UBE2D2: variants seen among roughly 807,000 people sequenced by gnomAD.
The protein encoded by UBE2D2 is ubiquitin conjugating enzyme E2 D2, also known as ubiquitin-conjugating enzyme E2 D2.
UBE2D2 carries 2 observed loss-of-function variants against 24.2 expected under a neutral mutation model. The ratio of observed to expected loss-of-function variants is 0.08; its 90% CI spans 0.03 to 0.26. The LOEUF is 0.26. UBE2D2 is among the 10% of genes least tolerant of loss of function. UBE2D2 has a pLI of 1.00. For missense variants in UBE2D2, 44 were observed against 177.6 expected (o/e 0.25, Z 4.28); for synonymous variants, 58 against 56.5 (o/e 1.03, Z -0.12).
At chr5:139,537,693 G>A (rs1475949862) in intron 1 of UBE2D2, among the ~76,000 whole-genome samples, 2 of 151,778 alleles carry the variant, frequency 1.3e-5, no homozygotes, top group Non-Finnish European at 2.9e-5. Flanking sequence ...GGCCAGGCGT[G>A]GTAGCTCACG....
chr5:139,617,115 G>A (rs1489991129), intron 5 of UBE2D2, among the ~76,000 whole-genome samples: 1 of 151,866 alleles, frequency 6.6e-6, no homozygotes, highest in Non-Finnish European at 1.5e-5. Context: ...CCCGGGAGAC[G>A]GAGGTTGCAG....
At chr5:139,614,488 A>G in intron 2 of UBE2D2, 98 bp from the exon 3 acceptor site, 5 of 1,356,910 alleles carry the variant, frequency 3.7e-6, no homozygotes, top group East Asian at 2.3e-5. Context: ...CATATTATTT[A>G]TAAATGAATT....
chr5:139,615,605 A>G (rs1754406421), intron 5 of UBE2D2, among the ~76,000 whole-genome samples: 1 of 152,198 alleles, frequency 6.6e-6, no homozygotes, highest in African/African-American at 2.4e-5. Flanking sequence ...ACTATTGCAG[A>G]ATAGGAAATA....
chr5:139,536,988 G>GCCAA (rs1752691367), intron 1 of UBE2D2, among the ~76,000 whole-genome samples: 1 of 151,998 alleles, frequency 6.6e-6, no homozygotes, highest in Admixed American at 6.6e-5. Flanking sequence ...GACCATCCTG[G>GCCAA]CTAACATGGT....
At chr5:139,562,221 CCCT>C (rs1561503106) in intron 1 of UBE2D2, 1 of 1,372,736 alleles carries the variant, frequency 7.3e-7, no homozygotes, top group South Asian at 1.2e-5. Flanking sequence ...CATTTCTGTT[CCCT>C]CCTCCCACAC....
chr5:139,540,752 A>G (rs1752748901), intron 1 of UBE2D2, among the ~76,000 whole-genome samples: 1 of 152,106 alleles, frequency 6.6e-6, no homozygotes, highest in Admixed American at 6.6e-5. Flanking sequence ...GCACTTTGGG[A>G]GGCCAAGGTG....
At chr5:139,562,444 T>C in intron 1 of UBE2D2, 1 of 1,278,766 alleles carries the variant, frequency 7.8e-7, no homozygotes, top group Non-Finnish European at 1.0e-6. Flanking sequence ...AGAGGGAGAA[T>C]CATTTTATTC....
At chr5:139,584,393 T>G (rs114082734) in intron 1 of UBE2D2, among the ~76,000 whole-genome samples, 2,078 of 152,256 alleles carry the variant, frequency 0.014, 49 homozygotes, top group African/African-American at 0.047. Flanking sequence ...ATGTATGCCT[T>G]TCGTTAAGTT....
rs1173463347 is a variant in UBE2D2, at chr5:139,607,408, TTA to T, written c.88+6975_88+6976del. Among the ~76,000 whole-genome samples the T allele has an allele frequency of 5.9e-5, 9 of 152,348 alleles. No individual in the cohort carries two copies. In the East Asian group the frequency reaches 1.5e-3, roughly 26 times the overall value. ...GATCATTTTATGAGAGCCATAAAGA[TTA>T]TTTGTCTTGGTTGCTGCATTAGTAA... On this transcript the variant is annotated intron_variant, in intron 2 of 6. Coordinates refer to ENST00000398733, the MANE Select transcript of UBE2D2 (RefSeq NM_003339.3).
chr5:139,609,315 G>C (rs1754263709), intron 2 of UBE2D2, among the ~76,000 whole-genome samples: 1 of 151,978 alleles, frequency 6.6e-6, no homozygotes, highest in South Asian at 2.1e-4. Flanking sequence ...GGCTGAGGTG[G>C]GTGAACTGCT....
intron 1 of UBE2D2, among the ~76,000 whole-genome samples, chr5:139,543,560 A>G (rs1372968715): frequency 1.3e-5 from 2 of 152,168 alleles, no homozygotes; most frequent in African/African-American, 4.8e-5. Flanking sequence ...CGGCGACGAC[A>G]CGGGGGACCG....
chr5:139,545,374 TC>T (rs1358044233), intron 1 of UBE2D2, among the ~76,000 whole-genome samples: 1 of 150,892 alleles, frequency 6.6e-6, no homozygotes, highest in Non-Finnish European at 1.5e-5. Flanking sequence ...AGCTTTGTCT[TC>T]TATTTTTTTT....
At chr5:139,535,822 C>T (rs531714352) in intron 1 of UBE2D2, among the ~76,000 whole-genome samples, 8 of 152,280 alleles carry the variant, frequency 5.3e-5, no homozygotes, top group African/African-American at 1.9e-4. Context: ...CTCATGCACT[C>T]CTTATCCAGC....
chr5:139,610,261 G>A (rs1214004165), intron 2 of UBE2D2, among the ~76,000 whole-genome samples: 1 of 151,900 alleles, frequency 6.6e-6, no homozygotes, highest in African/African-American at 2.4e-5. Context: ...AAAAATTTAC[G>A]GCCGGGCACA....
chr5:139,551,745 G>T (rs1752923495), intron 1 of UBE2D2, among the ~76,000 whole-genome samples: 2 of 152,182 alleles, frequency 1.3e-5, no homozygotes, highest in African/African-American at 4.8e-5. Flanking sequence ...TCAATCTCTG[G>T]TGACAGGACT....
At chr5:139,569,690 C>T (rs574168183) in intron 1 of UBE2D2, among the ~76,000 whole-genome samples, 1 of 152,308 alleles carries the variant, frequency 6.6e-6, no homozygotes, top group South Asian at 2.1e-4. Context: ...AAAATGTTAG[C>T]ACTGCAGCAC....
intron 5 of UBE2D2, among the ~76,000 whole-genome samples, chr5:139,621,320 A>G (rs941673918): frequency 1.1e-4 from 16 of 152,244 alleles, no homozygotes; most frequent in Admixed American, 5.9e-4. Context: ...AAATTACACT[A>G]TTGAGATTTG....
intron 1 of UBE2D2, among the ~76,000 whole-genome samples, chr5:139,596,454 C>G (rs749385043): frequency 2.0e-4 from 30 of 151,800 alleles, no homozygotes; most frequent in Non-Finnish European, 3.4e-4. Flanking sequence ...CCACCACACC[C>G]AGCTAATTTT....
intron 1 of UBE2D2, among the ~76,000 whole-genome samples, chr5:139,540,626 G>T (rs1752747771): frequency 6.6e-6 from 1 of 152,002 alleles, no homozygotes; most frequent in African/African-American, 2.4e-5. Flanking sequence ...CAATGTGCAG[G>T]TTTGATTGTT....
Sources: gnomAD v4.1 joint callset for allele counts (sites outside exome capture counted in the v4.1 genomes callset) on GRCh38, gnomAD v4.1.1 for gene constraint, MANE v1.5 for transcripts, NCBI Gene and HGNC (gene_info 2026-07-23, HGNC 2026-07-21) for gene names.